The following ZFAT variants were observed in gnomAD, a reference collection of about 807,000 sequenced individuals.
ZFAT encodes the protein zinc finger protein ZFAT.
In ZFAT, 64 loss-of-function variants were observed where a neutral mutation model predicts 117.7. The ratio of observed to expected loss-of-function variants is 0.54; its 90% CI spans 0.44 to 0.67. The LOEUF is 0.67. Among genes scored for constraint, ZFAT ranks in the 30% least tolerant of loss-of-function variants. ZFAT has a pLI of 0.00. For synonymous variants in ZFAT, 679 were observed against 615.0 expected (o/e 1.10, Z -1.54); for missense variants, 1,433 against 1,584.5 (o/e 0.90, Z 1.62).
the ZFAT span, among the ~76,000 whole-genome samples, chr8:134,830,840 C>G: frequency 6.6e-6 from 1 of 152,166 alleles, no homozygotes; most frequent in East Asian, 1.9e-4. Context: ...ACAGCTAGTA[C>G]CTGATTTAGT....
At chr8:134,595,394 T>C (rs570612362) in intron 7 of ZFAT, among the ~76,000 whole-genome samples, 2 of 152,200 alleles carry the variant, frequency 1.3e-5, no homozygotes, top group South Asian at 4.1e-4. Flanking sequence ...TTCTGTACAG[T>C]ACATATTTTC....
chr8:134,488,474 C>A (rs951153524), intron 15 of ZFAT, among the ~76,000 whole-genome samples: 1 of 152,184 alleles, frequency 6.6e-6, no homozygotes, highest in Non-Finnish European at 1.5e-5. Flanking sequence ...GTTTAGACAC[C>A]GCTAAGAGAT....
rs766603474 is a variant in ZFAT at position 134,583,834 on chromosome 8, T to C, written c.2885A>G (p.Asp962Gly). 13 of 1,613,528 alleles carry C rather than the reference T, an allele frequency of 8.1e-6. No homozygotes were observed. The highest frequency in any genetic ancestry group is 1.7e-5 in the Admixed American group (1 of 59,958). Residue 962 changes from aspartate to glycine, a missense_variant and splice_region_variant, in exon 10 of 16, where the codon GAT (aspartate) becomes GGT (glycine). Around this residue, in one of 5 missense-constraint regions of ZFAT, gnomAD observed 503 missense variants for 543.4 expected, o/e 0.93. Coordinates refer to ENST00000377838, the MANE Select transcript of ZFAT (RefSeq NM_020863.4). The stretch of plus-strand genomic sequence containing the variant: ...TTCACCTTGGGCCATTTACTCACCA[T>C]CTGCAGTGTGAAGGAGTTTGTGACT... Reference protein sequence around the residue: ...LKSHKLLHTADGKQFKCTVCD... With the variant: ...LKSHKLLHTAGGKQFKCTVCD...
At chr8:134,685,777 A>G (rs1431070063) in intron 1 of ZFAT, among the ~76,000 whole-genome samples, 1 of 152,200 alleles carries the variant, frequency 6.6e-6, no homozygotes, top group African/African-American at 2.4e-5. Context: ...CCAGTGGCCC[A>G]CCAGGGCACT....
intron 1 of ZFAT, among the ~76,000 whole-genome samples, chr8:134,691,512 A>C (rs1833587159): frequency 6.6e-6 from 1 of 152,252 alleles, no homozygotes; most frequent in South Asian, 2.1e-4. Flanking sequence ...TCTGGCCTGC[A>C]GGCTTGCAAT....
rs1467907521 is a variant in ZFAT at position 134,564,976 on chromosome 8, G to A, written c.2976+357C>T. ...TGGGCTTCATCACACCTGCTTTATC[G>A]GGTGACTCACCTGCAGCAATCCAGG... On this transcript the variant is annotated intron_variant, in intron 11 of 15. Coordinates refer to ENST00000377838, the MANE Select transcript of ZFAT (RefSeq NM_020863.4). 11 of 1,242,826 alleles carry A rather than the reference G, an allele frequency of 8.9e-6. No homozygotes were observed. In the African/African-American group the frequency reaches 9.3e-5, roughly 10 times the overall value. The allele number at this position is 1,242,826 out of a possible 1,614,324, so 77.0% of individuals were successfully genotyped here.
chr8:134,643,101 A>G (rs1332556764), intron 2 of ZFAT, among the ~76,000 whole-genome samples: 1 of 152,260 alleles, frequency 6.6e-6, no homozygotes, highest in East Asian at 1.9e-4. Context: ...GCACCATGCT[A>G]AGCACTTCAC....
In ZFAT at chr8:134,616,614, G is replaced by T. The variant is rs566989410; in HGVS notation, c.449-5959C>A. On this transcript the variant is annotated intron_variant, in intron 3 of 15. Coordinates refer to ENST00000377838, the MANE Select transcript of ZFAT (RefSeq NM_020863.4). ...TTTTTCAACTTTTCTACTCTTTCCT[G>T]TCTATGCTCCCCTCCAGCTTCCTTT... is the stretch of plus-strand genomic sequence containing the variant. 2.6e-5 allele frequency among the ~76,000 whole-genome samples: 4 copies of T among 152,226 alleles called. No individual in the cohort carries two copies. The South Asian group carries it at 8.3e-4, about 32-fold the overall frequency.
intron 13 of ZFAT, among the ~76,000 whole-genome samples, chr8:134,514,975 C>A (rs1820149777): frequency 6.6e-6 from 1 of 152,162 alleles, no homozygotes; most frequent in Non-Finnish European, 1.5e-5. Flanking sequence ...CCACCCCCAA[C>A]AGGCCCTGGT....
intron 2 of ZFAT, among the ~76,000 whole-genome samples, chr8:134,639,376 G>A (rs1453236020): frequency 6.6e-6 from 1 of 152,182 alleles, no homozygotes; most frequent in African/African-American, 2.4e-5. Context: ...GGTCAGCCTT[G>A]GCTGAAAGAT....
the ZFAT span, among the ~76,000 whole-genome samples, chr8:134,832,301 A>G: frequency 1.3e-5 from 2 of 151,354 alleles, no homozygotes; most frequent in African/African-American, 4.9e-5. Context: ...AGTGTGTCTG[A>G]GGGAGAGCGG....
intron 11 of ZFAT, among the ~76,000 whole-genome samples, chr8:134,548,703 CT>C (rs1437123741): frequency 6.7e-6 from 1 of 149,784 alleles, no homozygotes; most frequent in Non-Finnish European, 1.5e-5. Context: ...TTGAAAATCA[CT>C]GCATACTGTG....
chr8:134,598,145 G>A (rs551006941), intron 7 of ZFAT: 1 of 151,458 alleles, frequency 6.6e-6, no homozygotes, highest in South Asian at 2.2e-4. Flanking sequence ...GCAGTGGTGA[G>A]AATGTGGGCT....
chr8:134,557,850 C>T (rs1047855299), intron 11 of ZFAT, among the ~76,000 whole-genome samples: 8 of 152,226 alleles, frequency 5.3e-5, no homozygotes, highest in Non-Finnish European at 1.0e-4. Context: ...AATTCACATA[C>T]ACACATGTAG....
chr8:134,719,648 A>C, the ZFAT span, among the ~76,000 whole-genome samples: 1 of 152,208 alleles, frequency 6.6e-6, no homozygotes, highest in Non-Finnish European at 1.5e-5. Context: ...ACATGATTTT[A>C]ATATTGGTTG....
At chr8:134,831,592 C>T in the ZFAT span, among the ~76,000 whole-genome samples, 1 of 152,244 alleles carries the variant, frequency 6.6e-6, no homozygotes, top group African/African-American at 2.4e-5. Context: ...AGCAAGGCGC[C>T]TCGTCCCGAG....
At chr8:134,718,743 T>G in the ZFAT span, among the ~76,000 whole-genome samples, 1 of 152,036 alleles carries the variant, frequency 6.6e-6, no homozygotes, top group Non-Finnish European at 1.5e-5. Context: ...AGTAAGGGAT[T>G]GAGGAAAAGG....
At chr8:134,524,263 G>A (rs1340634235) in intron 12 of ZFAT, among the ~76,000 whole-genome samples, 1 of 152,158 alleles carries the variant, frequency 6.6e-6, no homozygotes, top group Non-Finnish European at 1.5e-5. Context: ...TTCACAGCCA[G>A]GATTCTGTGG....
chr8:134,483,579 T>C (rs1402158864), intron 15 of ZFAT, among the ~76,000 whole-genome samples: 1 of 152,226 alleles, frequency 6.6e-6, no homozygotes, highest in Non-Finnish European at 1.5e-5. Flanking sequence ...AGAAATAATA[T>C]GGCGCTCACA....
Sources: allele counts gnomAD v4.1 joint callset (sites outside exome capture counted in the v4.1 genomes callset), GRCh38; gene constraint gnomAD v4.1.1; regional missense constraint gnomAD v4.1.1; transcripts MANE v1.5; gene names NCBI Gene and HGNC (gene_info 2026-07-23, HGNC 2026-07-21).